Variants in LINGO2 observed in about 807,000 individuals in gnomAD.
LINGO2 encodes leucine rich repeat and Ig domain containing 2.
Under a neutral mutation model 30.6 loss-of-function variants are expected in LINGO2, and 14 were observed. The ratio of observed to expected loss-of-function variants is 0.46; its 90% confidence interval spans 0.30 to 0.72. LINGO2 has a LOEUF of 0.72. Ranked by LOEUF, LINGO2 falls within the 30% of genes least tolerant of loss-of-function variation. The pLI, the probability that LINGO2 is intolerant of heterozygous loss-of-function variation, is 0.07. For missense variants in LINGO2, 729 were observed against 751.7 expected (o/e 0.97, Z 0.35); for synonymous variants, 317 against 288.5 (o/e 1.10, Z -1.00).
At chr9:28,628,703 T>C (rs1224557162) in intron 1 of LINGO2, among the ~76,000 whole-genome samples, 1 of 152,144 alleles carries the variant, frequency 6.6e-6, no homozygotes, top group Non-Finnish European at 1.5e-5. Context: ...CCTAGTCTCT[T>C]GATTTCTGCT....
rs567256929 is a variant in LINGO2, at chr9:28,237,711, C to T, written c.-87+57497G>A. ...CTACTAAAAATACAGAAAAATTAGC[C>T]GGGCATGGTGGCACATGCCTGTAAT... On this transcript the variant is annotated intron_variant, in intron 4 of 5. Coordinates refer to ENST00000379992, the Ensembl canonical transcript of LINGO2. Among the ~76,000 whole-genome samples the T allele has an allele frequency of 4.0e-4, 61 of 151,980 alleles. No individual in the cohort carries two copies. The South Asian group carries it at 9.6e-3, about 24-fold the overall frequency.
chr9:29,205,686 T>C, the LINGO2 span, among the ~76,000 whole-genome samples: 9 of 152,206 alleles, frequency 5.9e-5, no homozygotes, highest in Non-Finnish European at 8.8e-5. Context: ...TCAGTTTACT[T>C]TGTAGGAAGA....
At chr9:29,084,989 T>C in the LINGO2 span, among the ~76,000 whole-genome samples, 1 of 141,770 alleles carries the variant, frequency 7.1e-6, no homozygotes, top group African/African-American at 2.6e-5. Context: ...GTTGTATTAC[T>C]TGTTTTGGTT....
intron 1 of LINGO2, among the ~76,000 whole-genome samples, chr9:28,517,544 C>G (rs999921191): frequency 6.6e-6 from 1 of 152,116 alleles, no homozygotes; most frequent in Admixed American, 6.5e-5. Context: ...CATTTATGAG[C>G]GTCTACTGCA....
the LINGO2 span, among the ~76,000 whole-genome samples, chr9:28,790,282 C>T: frequency 6.6e-6 from 1 of 150,760 alleles, no homozygotes; most frequent in African/African-American, 2.4e-5. Flanking sequence ...ACAATGCCTA[C>T]ATCATTCACC....
chr9:28,891,470 A>T, the LINGO2 span, among the ~76,000 whole-genome samples: 1 of 124,372 alleles, frequency 8.0e-6, no homozygotes, highest in Non-Finnish European at 1.9e-5. Context: ...GCAGGAAAGG[A>T]ATTTCTGGAG....
the LINGO2 span, among the ~76,000 whole-genome samples, chr9:28,826,170 A>G: frequency 3.3e-5 from 5 of 152,172 alleles, no homozygotes; most frequent in African/African-American, 1.2e-4. Context: ...AACGACATTC[A>G]TGGCCAAACC....
chr9:28,518,890 G>C (rs1185414630), intron 1 of LINGO2, among the ~76,000 whole-genome samples: 1 of 152,162 alleles, frequency 6.6e-6, no homozygotes, highest in Non-Finnish European at 1.5e-5. Context: ...AAAAGGTAAA[G>C]TTTTGACTAT....
intron 5 of LINGO2, among the ~76,000 whole-genome samples, chr9:28,003,698 T>A (rs916795804): frequency 1.3e-5 from 2 of 152,186 alleles, no homozygotes; most frequent in Non-Finnish European, 2.9e-5. Context: ...CCTGACCTTG[T>A]GATCCGCCCG....
intron 1 of LINGO2, among the ~76,000 whole-genome samples, chr9:28,532,884 C>G (rs1213190362): frequency 6.6e-6 from 1 of 151,942 alleles, no homozygotes; most frequent in Non-Finnish European, 1.5e-5. Flanking sequence ...TCTTATAGAC[C>G]GAATCCAGCT....
At chr9:28,199,607 G>A (rs1179531129) in intron 4 of LINGO2, among the ~76,000 whole-genome samples, 1 of 152,050 alleles carries the variant, frequency 6.6e-6, no homozygotes, top group Non-Finnish European at 1.5e-5. Context: ...CAAAGTGTTG[G>A]GATTACAGGC....
the LINGO2 span, among the ~76,000 whole-genome samples, chr9:29,156,082 G>C: frequency 2.6e-5 from 4 of 152,062 alleles, no homozygotes; most frequent in Non-Finnish European, 4.4e-5. Context: ...CTTTGCTCTT[G>C]TTTTATCTAC....
At position 28,478,051 on chromosome 9, in the gene LINGO2, C is replaced by A. The variant is rs76384265; in HGVS notation, c.-364-2026G>T. ...GGTCTCAGTTTAAAAGTCACTTACTCAAAGAGAGTCTTTCCTTCCATCATA... is the reference window on the plus strand; with the variant it reads ...GGTCTCAGTTTAAAAGTCACTTACTAAAAGAGAGTCTTTCCTTCCATCATA... On this transcript the variant is annotated intron_variant, in intron 1 of 5. Transcript: ENST00000379992. 5.5e-3 allele frequency among the ~76,000 whole-genome samples: 834 copies of A among 152,228 alleles called. 39 individuals carry two copies. The East Asian group carries it at 0.094, about 17-fold the overall frequency.
the LINGO2 span, among the ~76,000 whole-genome samples, chr9:29,100,913 GA>G: frequency 1.4e-3 from 215 of 152,104 alleles, 1 homozygote; most frequent in Non-Finnish European, 2.5e-3. Flanking sequence ...AAACTGCGGA[GA>G]AAAAAAGGAA....
the LINGO2 span, among the ~76,000 whole-genome samples, chr9:28,823,674 T>C: frequency 3.1e-4 from 47 of 152,288 alleles, no homozygotes; most frequent in South Asian, 3.7e-3. Context: ...AGCCCATACA[T>C]AGCCCTGGAT....
rs573495915 is a variant in LINGO2 at position 28,218,960 on chromosome 9, G to A, written c.-87+76248C>T. Among the ~76,000 whole-genome samples the A allele has an allele frequency of 2.3e-3, 351 of 152,282 alleles. 1 individual carries two copies. Among genetic ancestry groups the A allele is most frequent in the Admixed American group, 4.0e-3 (61 of 15,292 alleles). ...TTCTGAGACTATAATTTGCACGTTAGCTTGGATAACCTGAAACTTGTCTTC... is the reference window on the plus strand; with the variant it reads ...TTCTGAGACTATAATTTGCACGTTAACTTGGATAACCTGAAACTTGTCTTC... On this transcript the variant is annotated intron_variant, in intron 4 of 5. Coordinates refer to ENST00000379992, the Ensembl canonical transcript of LINGO2.
the LINGO2 span, among the ~76,000 whole-genome samples, chr9:28,800,176 C>A: frequency 6.6e-6 from 1 of 151,960 alleles, no homozygotes; most frequent in Admixed American, 6.6e-5. Flanking sequence ...AACATAGGTT[C>A]CTCGTTTCTT....
chr9:28,677,098 C>T, the LINGO2 span, among the ~76,000 whole-genome samples: 1 of 152,100 alleles, frequency 6.6e-6, no homozygotes, highest in African/African-American at 2.4e-5. Context: ...CTAATTCTCA[C>T]AACAGTCCAA....
chr9:29,119,728 G>A, the LINGO2 span, among the ~76,000 whole-genome samples: 1 of 151,392 alleles, frequency 6.6e-6, no homozygotes, highest in South Asian at 2.1e-4. Flanking sequence ...TAGGATTACA[G>A]GTACTCTACC....
Sources: gnomAD v4.1 joint callset for allele counts (sites outside exome capture counted in the v4.1 genomes callset) on GRCh38, gnomAD v4.1.1 for gene constraint, MANE v1.5 for transcripts, NCBI Gene and HGNC (gene_info 2026-07-23, HGNC 2026-07-21) for gene names.